RFWD3: variants seen among roughly 807,000 people sequenced by gnomAD.
RFWD3 encodes the protein ring finger and WD repeat domain 3.
RFWD3 carries 65 observed loss-of-function variants against 87.7 expected under a neutral mutation model. The observed-to-expected ratio is 0.74, with a 90% CI of 0.61 to 0.91. RFWD3 has a LOEUF of 0.91. RFWD3 is among the 40% of genes least tolerant of loss of function. The pLI is 0.00. For missense variants in RFWD3, 1,078 were observed against 938.5 expected, an observed-to-expected ratio of 1.15 and a Z score of -1.94; for synonymous variants, 433 against 352.8, an observed-to-expected ratio of 1.23 and a Z score of -2.55.
rs1959996388 is a variant in RFWD3 at position 74,644,840 on chromosome 16, T to C, written c.793-105A>G. On this transcript the variant is annotated intron_variant, in intron 4 of 12. Coordinates refer to ENST00000361070, the MANE Select transcript of RFWD3 (RefSeq NM_018124.4). ...CAGAAGTGCAAAAAAAATGATACAA[T>C]CAAAAGGGCTACAGAACACTTGTAA... 5.0e-6 allele frequency: 5 copies of C among 1,006,088 alleles called. No homozygotes were observed. The Admixed American group carries it at 7.7e-5, about 16-fold the overall frequency. The allele number at this position is 1,006,088 out of a possible 1,614,324, so 62.3% of individuals were successfully genotyped here. A position where few individuals can be genotyped will look rare whatever the true frequency, so the allele number is the denominator to read the frequency against.
At chr16:74,647,073 C>T (rs1192060824) in intron 4 of RFWD3, among the ~76,000 whole-genome samples, 5 of 149,686 alleles carry the variant, frequency 3.3e-5, no homozygotes, top group South Asian at 4.2e-4. Context: ...GGTGACAGAG[C>T]GACACTCGTC....
rs141948440 is a variant in RFWD3, at chr16:74,638,346, TA to T, written c.1080-377del. ...TTGTTCATGAGATACTCAAATAATA[TA>T]ACCCAAAAAAGAATCTGAAGTTAAA... On this transcript the variant is annotated intron_variant, in intron 6 of 12. Coordinates refer to ENST00000361070, the MANE Select transcript of RFWD3 (RefSeq NM_018124.4). Among the ~76,000 whole-genome samples the T allele has an allele frequency of 7.9e-3, 1,197 of 151,854 alleles. 29 individuals are homozygous for T. The highest frequency in any genetic ancestry group is 0.027 in the African/African-American group (1,132 of 41,412).
chr16:74,655,050 T>G (rs7191665), intron 2 of RFWD3, among the ~76,000 whole-genome samples: 89,768 of 152,096 alleles, frequency 0.59, 27,741 homozygotes, highest in African/African-American at 0.77. Context: ...TTATCCAGAA[T>G]ATCTAGCTAA....
At chr16:74,645,986 G>A (rs1239320608) in intron 4 of RFWD3, among the ~76,000 whole-genome samples, 19 of 151,820 alleles carry the variant, frequency 1.3e-4, no homozygotes. Flanking sequence ...CTGACCTCGC[G>A]ATCCGTCCGC....
At chr16:74,650,904 CA>C (rs1369055582) in intron 3 of RFWD3, among the ~76,000 whole-genome samples, 1 of 150,978 alleles carries the variant, frequency 6.6e-6, no homozygotes, top group African/African-American at 2.4e-5. Flanking sequence ...AAAAAAACAA[CA>C]AAAAAACCCA....
intron 11 of RFWD3, among the ~76,000 whole-genome samples, chr16:74,627,784 C>G (rs1398185180): frequency 6.6e-6 from 1 of 152,182 alleles, no homozygotes; most frequent in Non-Finnish European, 1.5e-5. Flanking sequence ...ACTATGAACA[C>G]CCACAACGAA....
In RFWD3 at chr16:74,649,212, C is replaced by A; in HGVS notation, c.722-10G>T. ...ACACCTGCTAGTTGCTCTGCCAAGT[C>A]ATTTCCAGAAATGACAGGAGAGGTA... On this transcript the variant is annotated splice_polypyrimidine_tract_variant and intron_variant, in intron 3 of 12. Transcript: ENST00000361070. The A allele has an allele frequency of 1.9e-6, 3 of 1,550,964 alleles. No homozygotes were observed. The South Asian group carries it at 3.7e-5, about 19-fold the overall frequency.
In RFWD3 at chr16:74,637,917, T is replaced by C. The variant is rs751726445; in HGVS notation, c.1133A>G (p.Gln378Arg). The change falls in exon 7 of 13, where the codon CAG becomes CGG. Residue 378 changes from glutamine (Q) to arginine (R), a missense_variant. Physicochemically the swap from Gln to Arg is conservative, Grantham distance 43. Coordinates refer to ENST00000361070, the MANE Select transcript of RFWD3 (RefSeq NM_018124.4). ...LRKQAELESA[Q>R]CRLQLQVLTD... is the part of the protein sequence containing the mutation. ...GAGGACCTGCAGTTGGAGTCGGCAC[T>C]GTGCTGATTCTAACTCGGCCTGTTT... 3.1e-6 allele frequency: 5 copies of C among 1,612,696 alleles called. No individual in the cohort carries two copies. Among genetic ancestry groups the C allele is most frequent in the South Asian group, 1.1e-5 (1 of 90,962 alleles).
chr16:74,630,972 AAG>A lies in RFWD3; in HGVS notation c.1578-17_1578-16del. On this transcript the variant is annotated splice_polypyrimidine_tract_variant and intron_variant, in intron 9 of 12. Transcript: ENST00000361070. ...TTGTCTCCAGGCTGTGGAGTTACAA[AAG>A]ACTTTTACAACTGCATTAAGAAAAT... The A allele has an allele frequency of 1.3e-6, 2 of 1,592,702 alleles. No homozygotes were observed. The highest frequency in any genetic ancestry group is 1.7e-6 in the Non-Finnish European group (2 of 1,173,802).
chr16:74,659,136 A>G (rs1961230971), intron 2 of RFWD3, among the ~76,000 whole-genome samples: 1 of 152,132 alleles, frequency 6.6e-6, no homozygotes, highest in Non-Finnish European at 1.5e-5. Context: ...GTAAGTTGGC[A>G]TCTGGTTTAT....
In RFWD3 at chr16:74,640,002, G is replaced by A. The variant is rs143761067; in HGVS notation, c.1080-2032C>T. ...TATTTATTATTGTTAATCTCTTACT[G>A]TTCCTAATTTATAAATTATCCTTTA... On this transcript the variant is annotated intron_variant, in intron 6 of 12. Coordinates refer to ENST00000361070, the MANE Select transcript of RFWD3 (RefSeq NM_018124.4). Among the ~76,000 whole-genome samples, 49 of 152,098 alleles carry A rather than the reference G, an allele frequency of 3.2e-4. No individual in the cohort carries two copies. The East Asian group carries it at 8.7e-3, about 27-fold the overall frequency.
Position 74,644,695 on chromosome 16 carries a change from G to T in RFWD3, c.833C>A (p.Ser278Tyr), listed in dbSNP as rs1959971868. The stretch of plus-strand genomic sequence containing the variant: ...AGTGTCCCCTTCTTCCTCATCCATA[G>T]AAGCAGAAGGTAGCAGAGGCTCAGA... ...QKSEPLLPSA[S>Y]MDEEEGDTCT... Residue 278 changes from serine (S) to tyrosine (Y), a missense_variant, in exon 5 of 13, where the codon TCT becomes TAT. By Grantham distance (144) the Ser-to-Tyr change is moderately radical. Transcript: ENST00000361070. 6.2e-7 allele frequency: 1 copy of T among 1,614,200 alleles called. No homozygotes were observed. The highest frequency in any genetic ancestry group is 1.7e-5 in the Admixed American group (1 of 60,028).
At chr16:74,656,327 A>G (rs572225133) in intron 2 of RFWD3, among the ~76,000 whole-genome samples, 58 of 151,390 alleles carry the variant, frequency 3.8e-4, no homozygotes, top group East Asian at 7.7e-4. Flanking sequence ...AAAAAAAAAA[A>G]AAAAGAAAAG....
chr16:74,634,544 C>G (rs1288542483), intron 8 of RFWD3, among the ~76,000 whole-genome samples: 1 of 152,054 alleles, frequency 6.6e-6, no homozygotes, highest in African/African-American at 2.4e-5. Flanking sequence ...GCCACCACAC[C>G]AAGCTAGTTA....
chr16:74,648,832 T>G (rs1960361125), intron 4 of RFWD3, among the ~76,000 whole-genome samples: 1 of 151,948 alleles, frequency 6.6e-6, no homozygotes, highest in African/African-American at 2.4e-5. Flanking sequence ...ATGACTACAA[T>G]CTCAATGGTT....
chr16:74,623,979 G>A lies in RFWD3; in HGVS notation c.2274C>T (p.Ser758=), dbSNP rs1597402692. ...TCTTCTCTGTTAAGGTAGCCAAGTA[G>A]CTGTTACGGTTCACCTCAAATGGGC... is the stretch of plus-strand genomic sequence containing the variant. The part of the protein sequence containing the change: ...DICPFEVNRN[S]YLATLTEKMV... Residue 758 remains serine, a synonymous_variant, in exon 13 of 13, where the codon AGC becomes AGT. Coordinates refer to ENST00000361070, the MANE Select transcript of RFWD3 (RefSeq NM_018124.4). The A allele has an allele frequency of 6.2e-7, 1 of 1,614,148 alleles. No homozygotes were observed. The highest frequency in any genetic ancestry group is 8.5e-7 in the Non-Finnish European group (1 of 1,180,012).
At chr16:74,639,844 T>C (rs1195725856) in intron 6 of RFWD3, among the ~76,000 whole-genome samples, 1 of 152,220 alleles carries the variant, frequency 6.6e-6, no homozygotes. Context: ...TCTCCTTATC[T>C]AGTTTCATTT....
intron 4 of RFWD3, among the ~76,000 whole-genome samples, chr16:74,646,242 G>A (rs1206730362): frequency 6.6e-6 from 1 of 152,024 alleles, no homozygotes; most frequent in Non-Finnish European, 1.5e-5. Context: ...CATGTGTGGT[G>A]GCACATGCCT....
chr16:74,655,103 A>G (rs1960861345), intron 2 of RFWD3, among the ~76,000 whole-genome samples: 1 of 152,268 alleles, frequency 6.6e-6, no homozygotes, highest in Non-Finnish European at 1.5e-5. Context: ...TTCTCAGTGT[A>G]GATGAAACAC....
Sources: gnomAD v4.1 joint callset for allele counts (sites outside exome capture counted in the v4.1 genomes callset) on GRCh38, gnomAD v4.1.1 for gene constraint, MANE v1.5 for transcripts, NCBI Gene and HGNC (gene_info 2026-07-23, HGNC 2026-07-21) for gene names.